Variants in PPME1 observed in about 807,000 individuals in gnomAD.
PPME1 encodes the protein protein phosphatase methylesterase 1, also known as testicular secretory protein Li 39.
In PPME1, 17 loss-of-function variants were observed where a neutral mutation model predicts 56.9. That is an observed-to-expected ratio of 0.30 (90% CI 0.20 to 0.45). The LOEUF is 0.45. Ranked by LOEUF, PPME1 falls within the 20% of genes least tolerant of loss-of-function variation. The pLI is 1.00. For missense variants in PPME1, 357 were observed against 483.2 expected, an observed-to-expected ratio of 0.74 and a Z score of 2.45; for synonymous variants, 122 against 156.2, an observed-to-expected ratio of 0.78 and a Z score of 1.63.
rs1380044493 is a variant in PPME1, at chr11:74,239,399, G to T, written c.834+143G>T. The T allele has an allele frequency of 5.2e-6, 7 of 1,336,016 alleles. No homozygotes were observed. In the South Asian group the frequency reaches 1.0e-4, roughly 19 times the overall value. The allele number at this position is 1,336,016 out of a possible 1,614,324, so 82.8% of individuals were successfully genotyped here. A position where few individuals can be genotyped will look rare whatever the true frequency, so the allele number is the denominator to read the frequency against. On this transcript the variant is annotated intron_variant, in intron 9 of 13. Coordinates refer to ENST00000328257, the MANE Select transcript of PPME1 (RefSeq NM_016147.3). The stretch of plus-strand genomic sequence containing the variant: ...AAGACACTATCATAAGAGATACTTA[G>T]CTTAACTATAAGATGTAAAGCACTG...
intron 1 of PPME1, among the ~76,000 whole-genome samples, chr11:74,183,044 C>T (rs867885956): frequency 6.6e-6 from 1 of 151,426 alleles, no homozygotes; most frequent in Non-Finnish European, 1.5e-5. Context: ...CGCTTGTAAT[C>T]CCAGCACTTT....
At chr11:74,223,981 C>T (rs1261859502) in intron 4 of PPME1, among the ~76,000 whole-genome samples, 1 of 152,038 alleles carries the variant, frequency 6.6e-6, no homozygotes, top group Non-Finnish European at 1.5e-5. Flanking sequence ...TCTTTTGTTG[C>T]CATTGCTTTT....
At position 74,247,292 on chromosome 11, in the gene PPME1, A is replaced by G. The variant is rs537316789; in HGVS notation, c.1009+169A>G. ...ACACACTATATGATTATGGGCAAGT[A>G]TTTCCCTTTCCTGAGCTTTAATTTG... On this transcript the variant is annotated intron_variant, in intron 11 of 13. Coordinates refer to ENST00000328257, the MANE Select transcript of PPME1 (RefSeq NM_016147.3). 2.9e-3 allele frequency among the ~76,000 whole-genome samples: 434 copies of G among 152,136 alleles called. 2 individuals are homozygous for G. Among genetic ancestry groups the G allele is most frequent in the Non-Finnish European group, 3.9e-3 (268 of 67,992 alleles).
intron 7 of PPME1, among the ~76,000 whole-genome samples, chr11:74,231,265 C>T (rs982103770): frequency 1.3e-5 from 2 of 152,140 alleles, no homozygotes; most frequent in African/African-American, 4.8e-5. Context: ...GCTATGTTGC[C>T]CAGGCTGGCT....
At chr11:74,182,937 G>T (rs572204288) in intron 1 of PPME1, among the ~76,000 whole-genome samples, 1 of 149,800 alleles carries the variant, frequency 6.7e-6, no homozygotes, top group South Asian at 2.1e-4. Flanking sequence ...TGGGAGGATT[G>T]CTTGAGCTCA....
intron 9 of PPME1, among the ~76,000 whole-genome samples, chr11:74,245,010 T>C (rs1442275476): frequency 6.6e-6 from 1 of 152,174 alleles, no homozygotes; most frequent in African/African-American, 2.4e-5. Context: ...ATTTGACTAT[T>C]TATGTGAAGG....
chr11:74,232,674 CTTTT>C (rs1216584605), intron 7 of PPME1, among the ~76,000 whole-genome samples: 2 of 134,456 alleles, frequency 1.5e-5, no homozygotes, highest in African/African-American at 2.8e-5. Flanking sequence ...TTTATCCAAA[CTTTT>C]TTTTTTTTTT....
At position 74,222,271 on chromosome 11, in the gene PPME1, TATCCTAG is replaced by T. The variant is rs746795354; in HGVS notation, c.289-38_289-32del. On this transcript the variant is annotated intron_variant, in intron 3 of 13. Transcript: ENST00000328257. ...TCATTGGGAATTGGGTGAAATTTGT[TATCCTAG>T]ATGTGTCTTAACTACTTTTCCTTTT... The T allele has an allele frequency of 5.4e-6, 8 of 1,468,688 alleles. No homozygotes were observed. In the South Asian group the frequency reaches 9.3e-5, roughly 17 times the overall value. 91.0% of individuals were successfully genotyped at this position (1,468,688 alleles called of 1,614,324 possible). A position where few individuals can be genotyped will look rare whatever the true frequency, so the allele number is the denominator to read the frequency against.
chr11:74,211,837 A>C (rs1858484841), intron 3 of PPME1, among the ~76,000 whole-genome samples: 1 of 152,234 alleles, frequency 6.6e-6, no homozygotes, highest in Non-Finnish European at 1.5e-5. Flanking sequence ...AGAAGAAGAA[A>C]TATAGATAAT....
At chr11:74,220,347 G>A (rs2135646143) in intron 3 of PPME1, among the ~76,000 whole-genome samples, 2 of 152,258 alleles carry the variant, frequency 1.3e-5, no homozygotes, top group South Asian at 4.1e-4. Flanking sequence ...TCTCGGGTTA[G>A]GATAGTGGGC....
chr11:74,248,053 G>T (rs1368486082), intron 11 of PPME1: 1 of 152,498 alleles, frequency 6.6e-6, no homozygotes, highest in African/African-American at 2.4e-5. Flanking sequence ...GGGGTATAAT[G>T]AGTAGGAAAG....
intron 3 of PPME1, among the ~76,000 whole-genome samples, chr11:74,212,656 CCA>C (rs1337749031): frequency 6.6e-6 from 1 of 152,038 alleles, no homozygotes; most frequent in African/African-American, 2.4e-5. Flanking sequence ...AACTTGGATA[CCA>C]GCTCAGCTAT....
At chr11:74,201,457 T>G (rs1024848610) in intron 1 of PPME1, among the ~76,000 whole-genome samples, 2 of 152,308 alleles carry the variant, frequency 1.3e-5, no homozygotes, top group Admixed American at 1.3e-4. Context: ...CCTCTAATAA[T>G]GTGCACTTAA....
At chr11:74,234,086 G>A (rs929228566) in intron 7 of PPME1, among the ~76,000 whole-genome samples, 1 of 152,176 alleles carries the variant, frequency 6.6e-6, no homozygotes, top group African/African-American at 2.4e-5. Context: ...ATTGGATGTT[G>A]GGAGAGAGAC....
chr11:74,172,026 C>T (rs1857258363), intron 1 of PPME1, among the ~76,000 whole-genome samples: 1 of 152,084 alleles, frequency 6.6e-6, no homozygotes. Context: ...ACACTCGAGA[C>T]AGGGCTGGAG....
At chr11:74,178,386 G>A (rs1276966318) in intron 1 of PPME1, among the ~76,000 whole-genome samples, 1 of 152,086 alleles carries the variant, frequency 6.6e-6, no homozygotes, top group East Asian at 1.9e-4. Context: ...GTAGGGAATG[G>A]GATTAACTAT....
intron 10 of PPME1, 123 bp downstream of exon 10, chr11:74,246,328 G>A: frequency 1.8e-6 from 2 of 1,091,902 alleles, no homozygotes; most frequent in South Asian, 3.9e-5. Flanking sequence ...TCTGAGATCA[G>A]GGTGCCAGCA....
In PPME1 at chr11:74,187,504, A is replaced by C. The variant is rs563590520; in HGVS notation, c.101+15982A>C. Among the ~76,000 whole-genome samples the C allele has an allele frequency of 2.0e-5, 3 of 152,172 alleles. No individual in the cohort carries two copies. The South Asian group carries it at 6.2e-4, about 32-fold the overall frequency. On this transcript the variant is annotated intron_variant, in intron 1 of 13. Coordinates refer to ENST00000328257, the MANE Select transcript of PPME1 (RefSeq NM_016147.3). ...ATTTTATTCTTATCAGTGGTATTGT[A>C]AATAGAATTGTCCTCTTGATTTTAT...
chr11:74,217,114 T>C (rs919126794), intron 3 of PPME1, among the ~76,000 whole-genome samples: 2 of 152,194 alleles, frequency 1.3e-5, no homozygotes, highest in Non-Finnish European at 2.9e-5. Flanking sequence ...TCAGACTCCT[T>C]CTACGAGGCT....
Sources: gnomAD v4.1 joint callset for allele counts (sites outside exome capture counted in the v4.1 genomes callset) on GRCh38, gnomAD v4.1.1 for gene constraint, MANE v1.5 for transcripts, NCBI Gene and HGNC (gene_info 2026-07-23, HGNC 2026-07-21) for gene names.